FAM193A: variants seen among roughly 807,000 people sequenced by gnomAD.
FAM193A encodes protein FAM193A.
Under a neutral mutation model 126.5 loss-of-function variants are expected in FAM193A, and 22 were observed. The observed-to-expected ratio is 0.17, with a 90% CI of 0.12 to 0.25. FAM193A has a LOEUF of 0.25. FAM193A is among the 10% of genes least tolerant of loss of function. The pLI, the probability that FAM193A is intolerant of heterozygous loss-of-function variation, is 1.00. For synonymous variants in FAM193A, 761 were observed against 646.8 expected (o/e 1.18, Z -2.68); for missense variants, 1,675 against 1,672.8 (o/e 1.00, Z -0.02).
At chr4:2,731,057 G>A (rs181681960) in intron 20 of FAM193A, among the ~76,000 whole-genome samples, 17 of 152,080 alleles carry the variant, frequency 1.1e-4, no homozygotes, top group East Asian at 3.9e-4. Flanking sequence ...TCAGCTGGAC[G>A]TGGTGGTGGG....
chr4:2,585,697 TG>T (rs1346809083), intron 1 of FAM193A, among the ~76,000 whole-genome samples: 2 of 152,124 alleles, frequency 1.3e-5, no homozygotes, highest in Non-Finnish European at 2.9e-5. Context: ...GAGGCCAAAG[TG>T]GGCGGATCAC....
chr4:2,726,905 G>A (rs144034610), intron 20 of FAM193A, among the ~76,000 whole-genome samples: 102 of 142,836 alleles, frequency 7.1e-4, no homozygotes, highest in African/African-American at 2.6e-3. Context: ...AGCCCAGATC[G>A]TGCCATTACA....
chr4:2,707,014 C>T (rs534226505), intron 19 of FAM193A, among the ~76,000 whole-genome samples: 84 of 151,828 alleles, frequency 5.5e-4, no homozygotes, highest in African/African-American at 2.0e-3. Flanking sequence ...CCCAGCTGCT[C>T]GGGAGGCTGA....
intron 19 of FAM193A, among the ~76,000 whole-genome samples, chr4:2,713,775 C>T (rs1175789978): frequency 7.2e-5 from 11 of 152,212 alleles, no homozygotes; most frequent in Admixed American, 7.2e-4. Flanking sequence ...AGCTCATCCT[C>T]AGGCAGTGGC....
chr4:2,540,972 C>CA (rs369952404), intron 1 of FAM193A, among the ~76,000 whole-genome samples: 3,471 of 86,584 alleles, frequency 0.04, 58 homozygotes, highest in Middle Eastern at 0.073. Context: ...AAATCCGTCT[C>CA]AAAAAAAAAA....
intron 1 of FAM193A, among the ~76,000 whole-genome samples, 182 bp downstream of exon 1, chr4:2,537,352 C>A (rs965254652): frequency 6.6e-6 from 1 of 152,276 alleles, no homozygotes; most frequent in African/African-American, 2.4e-5. Flanking sequence ...GCAGGTGGGC[C>A]GTGCTCGGCG....
Position 2,700,245 on chromosome 4 carries a change from C to T in FAM193A, c.4073C>T (p.Pro1358Leu), listed in dbSNP as rs756405652. The T allele has an allele frequency of 1.5e-5, 24 of 1,614,044 alleles. No individual in the cohort carries two copies. The highest frequency in any genetic ancestry group is 2.0e-5 in the Non-Finnish European group (24 of 1,180,020). ...CCAGCGAGGAGGCCCACAGAGCCCC[C>T]CAAGGCCACAGAGGGGCAGTCCAAG... The part of the protein sequence containing the change: ...SEPARRPTEP[P>L]KATEGQSKPR... The change falls in exon 19 of 21, where the codon CCC becomes CTC. Residue 1358 changes from proline to leucine, a missense_variant. Physicochemically the swap from Pro to Leu is moderately conservative, Grantham distance 98 (BLOSUM62 -3). Coordinates refer to ENST00000637812, the MANE Select transcript of FAM193A (RefSeq NM_001366318.2).
chr4:2,645,630 G>C (rs926658343), intron 6 of FAM193A, among the ~76,000 whole-genome samples: 1 of 151,910 alleles, frequency 6.6e-6, no homozygotes, highest in African/African-American at 2.4e-5. Flanking sequence ...AGGTTCAAGC[G>C]ATTCTTCTGT....
At position 2,573,341 on chromosome 4, in the gene FAM193A, G is replaced by A. The variant is rs1158363521; in HGVS notation, c.256-22743G>A. 4.6e-5 allele frequency among the ~76,000 whole-genome samples: 7 copies of A among 151,936 alleles called. 1 individual carries two copies. The highest frequency in any genetic ancestry group is 2.6e-4 in the Admixed American group (4 of 15,224). On this transcript the variant is annotated intron_variant, in intron 1 of 20. Transcript: ENST00000637812. ...CAGCCTGGCCACCATGGTGAAACCC[G>A]TCTCTACTAAAAATGCAAGAATCAG... is the stretch of plus-strand genomic sequence containing the variant.
At chr4:2,582,645 T>G (rs1740017143) in intron 1 of FAM193A, among the ~76,000 whole-genome samples, 1 of 152,220 alleles carries the variant, frequency 6.6e-6, no homozygotes, top group Non-Finnish European at 1.5e-5. Context: ...GTTTGGTGTT[T>G]GTCATTAATT....
rs943712479 is a variant in FAM193A at position 2,643,548 on chromosome 4, C to CA, written c.1164-3137_1164-3136insA. On this transcript the variant is annotated intron_variant, in intron 6 of 20. Transcript: ENST00000637812. ...TTCCTCACCCGAAACAGTAACTCTA[C>CA]CATTAAACAGTAACTCTCCATTGTC... Among the ~76,000 whole-genome samples the CA allele has an allele frequency of 1.4e-3, 7 of 5,152 alleles. No individual in the cohort carries two copies. In the African/African-American group the frequency reaches 0.07, roughly 51 times the overall value. The allele number at this position is 5,152 out of a possible 152,430, so 3.4% of individuals were successfully genotyped here.
chr4:2,701,907 G>A (rs1237628182), intron 19 of FAM193A, among the ~76,000 whole-genome samples: 1 of 151,926 alleles, frequency 6.6e-6, no homozygotes, highest in Non-Finnish European at 1.5e-5. Flanking sequence ...CTCTCAAGTA[G>A]CTGGGATTAC....
chr4:2,541,042 A>G (rs1366108943), intron 1 of FAM193A, among the ~76,000 whole-genome samples: 1 of 151,856 alleles, frequency 6.6e-6, no homozygotes, highest in Non-Finnish European at 1.5e-5. Flanking sequence ...AAGCCGAGGC[A>G]GGAGGATCAG....
At position 2,659,642 on chromosome 4, in the gene FAM193A, G is replaced by T; in HGVS notation, c.1474G>T (p.Asp492Tyr). The change falls in exon 9 of 21, where the codon GAC (aspartate) becomes TAC (tyrosine). Residue 492 changes from aspartate (D) to tyrosine (Y), a missense_variant. By Grantham distance (160) the Asp-to-Tyr change is radical. Coordinates refer to ENST00000637812, the MANE Select transcript of FAM193A (RefSeq NM_001366318.2). ...GTTATCGTCCCGGCTGAGCATGCCC[G>T]ACTGCCCCAACTGCAACTACAGGAG... Reference protein sequence around the residue: ...HMLSSRLSMPDCPNCNYRRRC... With the variant: ...HMLSSRLSMPYCPNCNYRRRC... 1 of 1,614,072 alleles carries T rather than the reference G, an allele frequency of 6.2e-7. No individual in the cohort carries two copies. The highest frequency in any genetic ancestry group is 2.2e-5 in the East Asian group (1 of 44,890).
At chr4:2,545,465 A>G (rs549915844) in intron 1 of FAM193A, among the ~76,000 whole-genome samples, 3 of 151,896 alleles carry the variant, frequency 2.0e-5, no homozygotes, top group East Asian at 1.9e-4. Context: ...TCTAATGGAC[A>G]TTTGGATTGT....
Position 2,653,458 on chromosome 4 carries a change from T to A in FAM193A, c.1312-4345T>A, listed in dbSNP as rs552474981. 1.9e-3 allele frequency among the ~76,000 whole-genome samples: 286 copies of A among 152,334 alleles called. 2 individuals are homozygous for A. The highest frequency in any genetic ancestry group is 1.7e-3 in the Non-Finnish European group (117 of 68,034). ...AGATGCTTTTTATTTTTATTTATTTTTTTTTAGACAGAGTCTCTCTCTGTC... is the reference window on the plus strand; with the variant it reads ...AGATGCTTTTTATTTTTATTTATTTATTTTTAGACAGAGTCTCTCTCTGTC... On this transcript the variant is annotated intron_variant, in intron 7 of 20. Coordinates refer to ENST00000637812, the MANE Select transcript of FAM193A (RefSeq NM_001366318.2).
At chr4:2,647,623 G>T (rs1442911456) in intron 7 of FAM193A, among the ~76,000 whole-genome samples, 1 of 152,134 alleles carries the variant, frequency 6.6e-6, no homozygotes, top group Non-Finnish European at 1.5e-5. Flanking sequence ...TGAAGGGAGG[G>T]CACTCAGGCA....
At chr4:2,545,557 T>C (rs1390188447) in intron 1 of FAM193A, among the ~76,000 whole-genome samples, 1 of 152,190 alleles carries the variant, frequency 6.6e-6, no homozygotes, top group Non-Finnish European at 1.5e-5. Flanking sequence ...CAGTTGGTCA[T>C]ATGGCTGGGG....
chr4:2,656,625 G>A (rs1169760967), intron 7 of FAM193A, among the ~76,000 whole-genome samples: 4 of 152,276 alleles, frequency 2.6e-5, no homozygotes, highest in Non-Finnish European at 4.4e-5. Context: ...GTGTGCGTGC[G>A]TGTGTCCTCC....
Sources: gnomAD v4.1 joint callset for allele counts (sites outside exome capture counted in the v4.1 genomes callset) on GRCh38, gnomAD v4.1.1 for gene constraint, MANE v1.5 for transcripts, NCBI Gene and HGNC (gene_info 2026-07-23, HGNC 2026-07-21) for gene names.